ADGRG2: variants seen among roughly 807,000 people sequenced by gnomAD.
ADGRG2 encodes adhesion G protein-coupled receptor G2, also known as G protein-coupled receptor 64.
Under a neutral mutation model 74.1 loss-of-function variants are expected in ADGRG2, and 26 were observed. That is an observed-to-expected ratio of 0.35 (90% CI 0.26 to 0.49). The LOEUF (loss-of-function observed/expected upper bound fraction) is 0.49. Ranked by LOEUF, ADGRG2 falls within the 20% of genes least tolerant of loss-of-function variation. ADGRG2 has a pLI of 0.99. For synonymous variants in ADGRG2, 296 were observed against 295.2 expected (o/e 1.00, Z -0.03); for missense variants, 619 against 763.1 (o/e 0.81, Z 2.22).
At chrX:19,117,072 A>G (rs1294775674) in intron 1 of ADGRG2, among the ~76,000 whole-genome samples, 1 of 110,975 alleles carries the variant, frequency 9.0e-6, no homozygotes, top group African/African-American at 3.3e-5. Flanking sequence ...CGGGTGGATC[A>G]TGAGGTCAGG....
At chrX:19,094,470 G>T (rs2062063626) in intron 1 of ADGRG2, among the ~76,000 whole-genome samples, 1 of 110,967 alleles carries the variant, frequency 9.0e-6, no homozygotes. Context: ...CGCACATTGG[G>T]ATGGGAAGGC....
At chrX:19,011,206 C>G (rs1028139755) in intron 16 of ADGRG2, among the ~76,000 whole-genome samples, 1 of 111,388 alleles carries the variant, frequency 9.0e-6, no homozygotes, top group Non-Finnish European at 1.9e-5. Context: ...TGTATGGAAA[C>G]AGATCAGTGG....
chrX:19,000,524 G>A (rs1234679252), intron 24 of ADGRG2, among the ~76,000 whole-genome samples: 2 of 111,535 alleles, frequency 1.8e-5, no homozygotes, highest in African/African-American at 6.5e-5. Context: ...TTCCAGGCCT[G>A]CCCCATAGAA....
chrX:19,063,243 A>G (rs1332809501), intron 3 of ADGRG2, among the ~76,000 whole-genome samples: 3 of 111,503 alleles, frequency 2.7e-5, no homozygotes, highest in African/African-American at 6.5e-5. Flanking sequence ...GGGTGAAGCT[A>G]CTGTGTTTAC....
chrX:19,037,629 T>C lies in ADGRG2; in HGVS notation c.162A>G (p.Leu54=). ...NSSLSPPPAK[L]SVVSFAPSSN... is the part of the protein sequence containing the mutation. ...AGGAGGGGGCAAAACTGACAACAGA[T>C]AATTTAGCTGCAGGAGAAAAAAAAA... The change falls in exon 5 of 29, where the codon TTA becomes TTG. Residue 54 remains leucine (L), a synonymous_variant. Coordinates refer to ENST00000379869, the MANE Select transcript of ADGRG2 (RefSeq NM_001079858.3). The C allele has an allele frequency of 8.8e-7, 1 of 1,131,337 alleles. No homozygotes were observed. The highest frequency in any genetic ancestry group is 3.1e-5 in the East Asian group (1 of 32,264). 93.2% of individuals were successfully genotyped at this position (1,131,337 alleles called of 1,213,427 possible).
chrX:19,012,894 T>C (rs1243618936), intron 16 of ADGRG2, among the ~76,000 whole-genome samples: 1 of 111,396 alleles, frequency 9.0e-6, no homozygotes, highest in Non-Finnish European at 1.9e-5. Context: ...TCTCAGCTTC[T>C]TTCCCTCTTG....
rs372326030 is a variant in ADGRG2, at chrX:19,028,170, C to A, written c.414+13G>T. ...CTTTTAAGATTGCAGTAAAAAAAAT[C>A]TTTAAAACTTACCTGGGGAACAGTG... is the stretch of plus-strand genomic sequence containing the variant. On this transcript the variant is annotated intron_variant, in intron 10 of 28. Coordinates refer to ENST00000379869, the MANE Select transcript of ADGRG2 (RefSeq NM_001079858.3). 3.4e-5 allele frequency: 33 copies of A among 973,055 alleles called. No homozygotes were observed. Among genetic ancestry groups the A allele is most frequent in the Non-Finnish European group, 4.6e-5 (32 of 690,409 alleles). 80.2% of individuals were successfully genotyped at this position (973,055 alleles called of 1,213,427 possible).
chrX:19,033,742 TA>T (rs112203703), intron 7 of ADGRG2, 88 bp from the exon 8 acceptor site: 422 of 446,499 alleles, frequency 9.5e-4, no homozygotes, highest in Admixed American at 1.7e-3. Flanking sequence ...AGTGAAGTGC[TA>T]AAAAAAAAGT....
At chrX:19,085,392 G>A (rs767552584) in intron 1 of ADGRG2, among the ~76,000 whole-genome samples, 4 of 111,253 alleles carry the variant, frequency 3.6e-5, no homozygotes, top group Admixed American at 2.9e-4. Context: ...GCAGTGGCTC[G>A]ATCACAGCTC....
At chrX:19,037,746 G>A (rs2060972057) in intron 4 of ADGRG2, 110 bp from the exon 5 acceptor site, 2 of 515,128 alleles carry the variant, frequency 3.9e-6, no homozygotes, top group East Asian at 7.5e-5. Context: ...AAACACACTA[G>A]CAGACCAAGT....
chrX:19,055,555 T>C (rs2061398460), intron 3 of ADGRG2, among the ~76,000 whole-genome samples: 1 of 111,345 alleles, frequency 9.0e-6, no homozygotes, highest in African/African-American at 3.3e-5. Context: ...AGCACAGATA[T>C]AGAGCACTTC....
At chrX:19,104,287 T>C (rs1026745454) in intron 1 of ADGRG2, among the ~76,000 whole-genome samples, 2 of 110,082 alleles carry the variant, frequency 1.8e-5, no homozygotes, top group African/African-American at 6.6e-5. Context: ...GCCCCCGGGA[T>C]GTGATCAAGC....
At chrX:19,036,845 G>T (rs184365399) in intron 6 of ADGRG2, among the ~76,000 whole-genome samples, 281 of 111,171 alleles carry the variant, frequency 2.5e-3, no homozygotes, top group African/African-American at 9.0e-3. Context: ...GGTGAGATTT[G>T]ATTTTAACCA....
Position 19,068,809 on chromosome X carries a change from C to T in ADGRG2, c.26G>A (p.Gly9Asp), listed in dbSNP as rs73445689. 1.6e-4 allele frequency: 177 copies of T among 1,126,138 alleles called. No homozygotes were observed. In the African/African-American group the frequency reaches 2.5e-3, roughly 16 times the overall value. 92.8% of individuals were successfully genotyped at this position (1,126,138 alleles called of 1,213,427 possible). A position where few individuals can be genotyped will look rare whatever the true frequency, so the allele number is the denominator to read the frequency against. The change falls in exon 3 of 29, where the codon GGC (glycine) becomes GAC (aspartate). Residue 9 changes from glycine (G) to aspartate (D), a missense_variant. Coordinates refer to ENST00000379869, the MANE Select transcript of ADGRG2 (RefSeq NM_001079858.3). MVFSVRQC[G>D]HVGRTEEVLL... is the part of the protein sequence containing the mutation. ...AACTTCTTCAGTTCTGCCAACATGGCCACACTGCCTGACAGAGAAAACCAT... is the reference window on the plus strand; with the variant it reads ...AACTTCTTCAGTTCTGCCAACATGGTCACACTGCCTGACAGAGAAAACCAT...
intron 1 of ADGRG2, among the ~76,000 whole-genome samples, chrX:19,097,704 G>A (rs1043526287): frequency 2.7e-5 from 3 of 111,379 alleles, no homozygotes; most frequent in South Asian, 3.8e-4. Flanking sequence ...CCCCGGCCCC[G>A]GTGGCAGGAC....
At chrX:19,095,521 AT>A (rs1302172149) in intron 1 of ADGRG2, among the ~76,000 whole-genome samples, 1 of 112,010 alleles carries the variant, frequency 8.9e-6, no homozygotes, top group East Asian at 2.8e-4. Context: ...TCCTTCTGCC[AT>A]TGTGACCTTG....
chrX:19,115,772 G>A (rs911317561), intron 1 of ADGRG2, among the ~76,000 whole-genome samples: 3 of 110,755 alleles, frequency 2.7e-5, no homozygotes, highest in African/African-American at 9.9e-5. Context: ...TGGCCAACAC[G>A]GTGAAACCCT....
chrX:19,098,553 AT>A (rs1276430031), intron 1 of ADGRG2, among the ~76,000 whole-genome samples: 115 of 109,175 alleles, frequency 1.1e-3, no homozygotes, highest in Middle Eastern at 4.7e-3. Context: ...ATTTTGTAGG[AT>A]TTTTTTTTTA....
At position 19,111,888 on chromosome X, in the gene ADGRG2, G is replaced by T. The variant is rs188403954; in HGVS notation, c.-47+10554C>A. Among the ~76,000 whole-genome samples the T allele has an allele frequency of 3.6e-3, 403 of 110,764 alleles. 2 individuals are homozygous for T. The highest frequency in any genetic ancestry group is 0.012 in the African/African-American group (374 of 30,480). On this transcript the variant is annotated intron_variant, in intron 1 of 28. Transcript: ENST00000379869. ...TAGTAATGAATTGCAGACCTATTTT[G>T]AAAATATGAATTATTTGATACCAAA...
Sources: allele counts gnomAD v4.1 joint callset (sites outside exome capture counted in the v4.1 genomes callset), GRCh38; gene constraint gnomAD v4.1.1; transcripts MANE v1.5; gene names NCBI Gene and HGNC (gene_info 2026-07-23, HGNC 2026-07-21).